LUZP2: variants seen among roughly 807,000 people sequenced by gnomAD.
LUZP2 encodes leucine zipper protein 2.
LUZP2 carries 52 observed loss-of-function variants against 51.6 expected under a neutral mutation model. That is an observed-to-expected ratio of 1.01 (90% CI 0.81 to 1.27). LUZP2 has a LOEUF of 1.27. LUZP2 is among the 50% of genes most tolerant of loss of function. LUZP2 has a pLI of 0.00. For missense variants in LUZP2, 436 were observed against 395.4 expected (o/e 1.10, Z -0.87); for synonymous variants, 154 against 137.3 (o/e 1.12, Z -0.85).
At chr11:24,859,022 A>C (rs1375189277) in intron 5 of LUZP2, among the ~76,000 whole-genome samples, 2 of 152,302 alleles carry the variant, frequency 1.3e-5, no homozygotes, top group African/African-American at 4.8e-5. Context: ...CCCACAAATT[A>C]GCCAGTATAG....
chr11:24,739,104 C>T (rs1859042796), intron 4 of LUZP2, among the ~76,000 whole-genome samples: 1 of 152,080 alleles, frequency 6.6e-6, no homozygotes, highest in Non-Finnish European at 1.5e-5. Flanking sequence ...TCTAGCTGCA[C>T]ACCACAGAGG....
intron 5 of LUZP2, among the ~76,000 whole-genome samples, chr11:24,890,132 G>A (rs1443378715): frequency 6.6e-6 from 1 of 152,066 alleles, no homozygotes; most frequent in Non-Finnish European, 1.5e-5. Context: ...TCTAAGAAGT[G>A]TATAATCTGT....
At chr11:25,018,049 T>TTTTTTTTTTTTTG (rs1857211364) in intron 9 of LUZP2, among the ~76,000 whole-genome samples, 4 of 100,954 alleles carry the variant, frequency 4.0e-5, no homozygotes, top group Non-Finnish European at 6.3e-5. Context: ...TTTTTTTTTG[T>TTTTTTTTTTTTTG]TTTTTTTTTT....
rs1565044665 is a variant in LUZP2 at position 24,636,777 on chromosome 11, A to G, written c.63-92392A>G. Among the ~76,000 whole-genome samples the G allele has an allele frequency of 3.9e-5, 6 of 152,310 alleles. No individual in the cohort carries two copies. In the South Asian group the frequency reaches 1.2e-3, roughly 32 times the overall value. On this transcript the variant is annotated intron_variant, in intron 1 of 11. Transcript: ENST00000336930. ...TAATTCGTCAGAGCTCAGCTCACACACACTTAACCAGAGACATAAGAAAAT... is the reference window on the plus strand; with the variant it reads ...TAATTCGTCAGAGCTCAGCTCACACGCACTTAACCAGAGACATAAGAAAAT...
At chr11:24,937,133 C>T (rs901459737) in intron 7 of LUZP2, among the ~76,000 whole-genome samples, 1 of 151,984 alleles carries the variant, frequency 6.6e-6, no homozygotes, top group African/African-American at 2.4e-5. Flanking sequence ...CTTCAAGGGA[C>T]AAAGAAAAGC....
At chr11:25,058,257 A>G (rs2134035005) in intron 10 of LUZP2, among the ~76,000 whole-genome samples, 1 of 152,282 alleles carries the variant, frequency 6.6e-6, no homozygotes, top group South Asian at 2.1e-4. Flanking sequence ...TTATTCATAT[A>G]AATCTCCATG....
intron 1 of LUZP2, among the ~76,000 whole-genome samples, chr11:24,517,957 A>G (rs1850530195): frequency 6.6e-6 from 1 of 152,198 alleles, no homozygotes. Context: ...TTTTAAAATG[A>G]CATATTCCAG....
intron 9 of LUZP2, among the ~76,000 whole-genome samples, chr11:25,040,568 T>G (rs967152609): frequency 1.3e-5 from 2 of 152,102 alleles, no homozygotes; most frequent in Non-Finnish European, 2.9e-5. Flanking sequence ...AAACGCTATT[T>G]GATTCTCCTA....
chr11:24,973,731 GT>G (rs1855812081), intron 7 of LUZP2, among the ~76,000 whole-genome samples: 1 of 152,004 alleles, frequency 6.6e-6, no homozygotes, highest in South Asian at 2.1e-4. Flanking sequence ...TTTCTATGTA[GT>G]TTTGTGGTTT....
chr11:24,634,790 T>A (rs1209453166), intron 1 of LUZP2, among the ~76,000 whole-genome samples: 1 of 152,154 alleles, frequency 6.6e-6, no homozygotes, highest in African/African-American at 2.4e-5. Flanking sequence ...AAGGCGGTAC[T>A]GGATTTTGTT....
chr11:25,024,218 TCC>T (rs1044658831), intron 9 of LUZP2, among the ~76,000 whole-genome samples: 1 of 152,038 alleles, frequency 6.6e-6, no homozygotes, highest in Non-Finnish European at 1.5e-5. Context: ...TGATCTGCAT[TCC>T]CTTTGAAAAC....
intron 4 of LUZP2, among the ~76,000 whole-genome samples, chr11:24,739,612 A>C (rs1859062389): frequency 6.6e-6 from 1 of 152,088 alleles, no homozygotes; most frequent in African/African-American, 2.4e-5. Flanking sequence ...CTAAATCTCC[A>C]TTTAGGTCAA....
In LUZP2 at chr11:24,986,303, T is replaced by C. The variant is rs995864453; in HGVS notation, c.765+3010T>C. Among the ~76,000 whole-genome samples, 7 of 151,798 alleles carry C rather than the reference T, an allele frequency of 4.6e-5. No homozygotes were observed. The East Asian group carries it at 9.7e-4, about 21-fold the overall frequency. On this transcript the variant is annotated intron_variant, in intron 9 of 11. Coordinates refer to ENST00000336930, the MANE Select transcript of LUZP2 (RefSeq NM_001009909.4). The stretch of plus-strand genomic sequence containing the variant: ...ATAAATTCTACCAATGGCAATGTGG[T>C]AAATACCAAAGCTACTATATAGTGC...
chr11:24,889,968 C>T (rs1906092), intron 5 of LUZP2, among the ~76,000 whole-genome samples: 64,312 of 151,924 alleles, frequency 0.42, 13,959 homozygotes, highest in Non-Finnish European at 0.47. Context: ...ATGTTCATTT[C>T]TCTGCTTTAA....
intron 9 of LUZP2, among the ~76,000 whole-genome samples, chr11:25,026,620 T>C (rs1218641843): frequency 6.6e-6 from 1 of 152,050 alleles, no homozygotes; most frequent in Non-Finnish European, 1.5e-5. Context: ...CCTCTATTAT[T>C]TACTTGCTTT....
chr11:24,792,669 A>C (rs1283961733), intron 5 of LUZP2, among the ~76,000 whole-genome samples: 1 of 152,150 alleles, frequency 6.6e-6, no homozygotes, highest in Non-Finnish European at 1.5e-5. Flanking sequence ...ATTTGAGGGA[A>C]GCTTCATTGG....
chr11:25,016,995 G>T (rs1857178983), intron 9 of LUZP2, among the ~76,000 whole-genome samples: 1 of 151,820 alleles, frequency 6.6e-6, no homozygotes. Context: ...ATCTCATTGT[G>T]GTTTTAATTT....
intron 1 of LUZP2, among the ~76,000 whole-genome samples, chr11:24,720,113 C>T (rs12798374): frequency 0.098 from 14,917 of 152,026 alleles, 1,022 homozygotes; most frequent in East Asian, 0.3. Context: ...TGAGTATTTA[C>T]GTATCTATTA....
intron 1 of LUZP2, among the ~76,000 whole-genome samples, chr11:24,516,558 C>A (rs551888540): frequency 3.9e-5 from 6 of 152,064 alleles, no homozygotes; most frequent in Admixed American, 1.3e-4. Context: ...AGTTTGTTTT[C>A]TTTTTTGTGT....
Sources: allele counts gnomAD v4.1 joint callset (sites outside exome capture counted in the v4.1 genomes callset), GRCh38; gene constraint gnomAD v4.1.1; transcripts MANE v1.5; gene names NCBI Gene and HGNC (gene_info 2026-07-23, HGNC 2026-07-21).